The following IFNG-AS1 variants were observed in gnomAD, a reference collection of about 807,000 sequenced individuals.
IFNG-AS1 encodes IFNG regulatory antisense RNA 1.
intron 3 of IFNG-AS1, among the ~76,000 whole-genome samples, chr12:68,015,453 C>T (rs1880129324): frequency 6.6e-6 from 1 of 152,088 alleles, no homozygotes; most frequent in Admixed American, 6.5e-5. Flanking sequence ...GCAAGCAATC[C>T]CACCCCTCTG....
At chr12:67,997,458 A>T (rs983242150) in intron 2 of IFNG-AS1, among the ~76,000 whole-genome samples, 1 of 152,078 alleles carries the variant, frequency 6.6e-6, no homozygotes, top group Admixed American at 6.6e-5. Flanking sequence ...AAATAAGTTT[A>T]GATCCATATC....
At position 67,995,566 on chromosome 12, in the gene IFNG-AS1, C is replaced by CA. The variant is rs532833500; in HGVS notation, n.52-369dup. On this transcript the variant is annotated intron_variant and non_coding_transcript_variant, in intron 1 of 5. Coordinates refer to ENST00000536914, the Ensembl canonical transcript of IFNG-AS1. ...TGAAACCCTGTCTCTCCTAAAAATA[C>CA]AAAAAATTAGCCAGGCATGGTGTCA... Among the ~76,000 whole-genome samples the CA allele has an allele frequency of 4.1e-4, 62 of 150,550 alleles. No homozygotes were observed. The Middle Eastern group carries it at 0.01, about 25-fold the overall frequency.
At chr12:68,010,002 GA>G (rs1373217424) in intron 3 of IFNG-AS1, among the ~76,000 whole-genome samples, 1 of 152,224 alleles carries the variant, frequency 6.6e-6, no homozygotes, top group African/African-American at 2.4e-5. Context: ...ACAATAATCT[GA>G]TGATTTTAAT....
intron 2 of IFNG-AS1, among the ~76,000 whole-genome samples, chr12:68,000,167 C>G (rs1464869483): frequency 6.6e-6 from 1 of 152,070 alleles, no homozygotes; most frequent in Admixed American, 6.6e-5. Flanking sequence ...AATATTAACA[C>G]TGGGAGAAGT....
chr12:68,014,750 A>G (rs771194516), intron 3 of IFNG-AS1, among the ~76,000 whole-genome samples: 3 of 151,606 alleles, frequency 2.0e-5, no homozygotes, highest in Non-Finnish European at 4.4e-5. Flanking sequence ...AGCCTCCACA[A>G]TCACATACAC....
In IFNG-AS1 at chr12:68,016,898, A is replaced by G. The variant is rs558513415; in HGVS notation, n.242-2964A>G. 7.9e-5 allele frequency among the ~76,000 whole-genome samples: 12 copies of G among 152,316 alleles called. No individual in the cohort carries two copies. In the South Asian group the frequency reaches 2.3e-3, roughly 29 times the overall value. Reference sequence around the variant, plus strand: ...CTGGGCCATGCCCTGGGCTAGGCATAAGGAATGCCATGGTGAATGCAGCAG... The same window carrying G: ...CTGGGCCATGCCCTGGGCTAGGCATGAGGAATGCCATGGTGAATGCAGCAG... On this transcript the variant is annotated intron_variant and non_coding_transcript_variant, in intron 3 of 5. Transcript: ENST00000536914.
At chr12:68,006,076 T>G (rs1879898520) in intron 2 of IFNG-AS1, 1 of 152,272 alleles carries the variant, frequency 6.6e-6, no homozygotes, top group African/African-American at 2.4e-5. Flanking sequence ...CCCTTCTTCC[T>G]TTCCACTTTT....
intron 3 of IFNG-AS1, among the ~76,000 whole-genome samples, chr12:68,018,464 A>G (rs1023416090): frequency 4.6e-5 from 7 of 152,166 alleles, no homozygotes; most frequent in East Asian, 1.9e-4. Flanking sequence ...TATAGAAAAC[A>G]TTCACCCTAC....
In IFNG-AS1 at chr12:67,995,722, CA is replaced by C. The variant is rs34179056; in HGVS notation, n.52-204del. On this transcript the variant is annotated intron_variant and non_coding_transcript_variant, in intron 1 of 5. Coordinates refer to ENST00000536914, the Ensembl canonical transcript of IFNG-AS1. The stretch of plus-strand genomic sequence containing the variant: ...GGGTGACAGAGTGAGACTCGGTCTC[CA>C]AAAAAAAAAAAAAAGAAAAGAAAAG... 2.4e-3 allele frequency among the ~76,000 whole-genome samples: 188 copies of C among 77,304 alleles called. 1 individual carries two copies. The highest frequency in any genetic ancestry group is 8.6e-3 in the South Asian group (20 of 2,314). The allele number at this position is 77,304 out of a possible 152,430, so 50.7% of individuals were successfully genotyped here.
chr12:68,013,462 A>G (rs1880077858), intron 3 of IFNG-AS1: 1 of 152,218 alleles, frequency 6.6e-6, no homozygotes, highest in Non-Finnish European at 1.5e-5. Context: ...GTTACATGTC[A>G]CAAATATATT....
intron 2 of IFNG-AS1, among the ~76,000 whole-genome samples, chr12:68,005,438 C>T (rs1278118362): frequency 6.6e-6 from 1 of 152,204 alleles, no homozygotes; most frequent in African/African-American, 2.4e-5. Context: ...CCCTTACACC[C>T]ACCTCTTTGG....
intron 2 of IFNG-AS1, among the ~76,000 whole-genome samples, chr12:67,996,248 G>A (rs1879640515): frequency 6.6e-6 from 1 of 152,208 alleles, no homozygotes; most frequent in African/African-American, 2.4e-5. Flanking sequence ...CCGTATGATA[G>A]CAATTAGTAC....
intron 2 of IFNG-AS1, among the ~76,000 whole-genome samples, chr12:68,000,528 C>T (rs992627958): frequency 6.6e-6 from 1 of 151,960 alleles, no homozygotes; most frequent in Non-Finnish European, 1.5e-5. Flanking sequence ...AAAAACTAAC[C>T]AGGCATCGTG....
intron 3 of IFNG-AS1, among the ~76,000 whole-genome samples, chr12:68,011,953 C>T (rs1880040276): frequency 6.6e-6 from 1 of 152,140 alleles, no homozygotes; most frequent in African/African-American, 2.4e-5. Context: ...CCTTCAGTTA[C>T]CCTGGAATGT....
At chr12:68,020,843 CT>C (rs776316566) in intron 4 of IFNG-AS1, 1 of 152,206 alleles carries the variant, frequency 6.6e-6, no homozygotes, top group Non-Finnish European at 1.5e-5. Context: ...GGACAAGTAA[CT>C]GCACTTTTGA....
chr12:67,995,497 C>A (rs1164600875), intron 1 of IFNG-AS1, among the ~76,000 whole-genome samples: 1 of 140,860 alleles, frequency 7.1e-6, no homozygotes, highest in Non-Finnish European at 1.5e-5. Flanking sequence ...CCGAGGCGGG[C>A]AGATTACGAG....
chr12:68,000,531 G>A (rs969754649), intron 2 of IFNG-AS1, among the ~76,000 whole-genome samples: 1 of 152,138 alleles, frequency 6.6e-6, no homozygotes, highest in African/African-American at 2.4e-5. Flanking sequence ...AACTAACCAG[G>A]CATCGTGGTG....
chr12:68,002,472 G>A (rs1034363598), intron 2 of IFNG-AS1, among the ~76,000 whole-genome samples: 10 of 152,082 alleles, frequency 6.6e-5, no homozygotes, highest in African/African-American at 1.4e-4. Context: ...TCTTCCCCAC[G>A]TAAGCCCCTT....
chr12:68,001,766 G>C (rs917275288), intron 2 of IFNG-AS1, among the ~76,000 whole-genome samples: 1 of 152,110 alleles, frequency 6.6e-6, no homozygotes, highest in Non-Finnish European at 1.5e-5. Context: ...AAATCTCTAG[G>C]TGGCTATTTC....
Sources: gnomAD v4.1 joint callset for allele counts (sites outside exome capture counted in the v4.1 genomes callset) on GRCh38, gnomAD v4.1.1 for gene constraint, MANE v1.5 for transcripts, NCBI Gene and HGNC (gene_info 2026-07-23, HGNC 2026-07-21) for gene names.